TENM3: variants seen among roughly 807,000 people sequenced by gnomAD.
TENM3 encodes the protein teneurin transmembrane protein 3.
Under a neutral mutation model 255.1 loss-of-function variants are expected in TENM3, and 63 were observed. The observed-to-expected ratio is 0.25, with a 90% confidence interval of 0.20 to 0.30. The LOEUF (loss-of-function observed/expected upper bound fraction) is 0.30, where lower values mean the gene tolerates loss of function less well. Among genes scored for constraint, TENM3 ranks in the 10% least tolerant of loss-of-function variants. The pLI is 1.00. For synonymous variants in TENM3, 1,306 were observed against 1,322.3 expected, an observed-to-expected ratio of 0.99 and a Z score of 0.27; for missense variants, 2,929 against 3,461.1, an observed-to-expected ratio of 0.85 and a Z score of 3.86.
chr4:181,890,143 A>G, the TENM3 span, among the ~76,000 whole-genome samples: 1 of 152,228 alleles, frequency 6.6e-6, no homozygotes, highest in African/African-American at 2.4e-5. Flanking sequence ...GGCTGAGAGC[A>G]TATACAGGCA....
intron 3 of TENM3, 41 bp from the exon 4 acceptor site, chr4:182,600,883 A>G (rs749216666): frequency 9.8e-7 from 1 of 1,019,578 alleles, no homozygotes; most frequent in South Asian, 1.5e-5. Flanking sequence ...ATATATATAT[A>G]ATGAGTTCTC....
chr4:181,523,544 A>G, the TENM3 span, among the ~76,000 whole-genome samples: 1 of 152,316 alleles, frequency 6.6e-6, no homozygotes, highest in African/African-American at 2.4e-5. Flanking sequence ...AGGCTATCTC[A>G]GTGGCAAACA....
At chr4:181,559,512 G>C in the TENM3 span, among the ~76,000 whole-genome samples, 1 of 152,126 alleles carries the variant, frequency 6.6e-6, no homozygotes, top group Non-Finnish European at 1.5e-5. Flanking sequence ...ATGTATTAAA[G>C]CTCTTCCAGT....
At chr4:182,765,083 G>A (rs1231228774) in intron 22 of TENM3, among the ~76,000 whole-genome samples, 2 of 151,986 alleles carry the variant, frequency 1.3e-5, no homozygotes, top group African/African-American at 4.8e-5. Flanking sequence ...GATGAGTTCC[G>A]ATTCGTAAAT....
At chr4:181,957,500 A>G in the TENM3 span, among the ~76,000 whole-genome samples, 65 of 152,340 alleles carry the variant, frequency 4.3e-4, no homozygotes, top group African/African-American at 1.6e-3. Flanking sequence ...AATTTTTAAG[A>G]TAATGTTTAA....
At chr4:181,886,486 T>C in the TENM3 span, among the ~76,000 whole-genome samples, 32 of 152,340 alleles carry the variant, frequency 2.1e-4, no homozygotes, top group African/African-American at 7.0e-4. Context: ...ATGAAAATCA[T>C]TAATTAAATA....
At chr4:181,962,762 A>T in the TENM3 span, among the ~76,000 whole-genome samples, 1 of 152,194 alleles carries the variant, frequency 6.6e-6, no homozygotes, top group South Asian at 2.1e-4. Flanking sequence ...GAAGTAAGAG[A>T]CACTTCATTC....
At chr4:181,697,913 C>T in the TENM3 span, among the ~76,000 whole-genome samples, 2 of 151,956 alleles carry the variant, frequency 1.3e-5, no homozygotes, top group Admixed American at 6.6e-5. Context: ...AAACTAAAAG[C>T]GCTTAAGATA....
At chr4:182,783,631 GATA>G (rs56377615) in intron 24 of TENM3, among the ~76,000 whole-genome samples, 18,526 of 150,960 alleles carry the variant, frequency 0.12, 1,410 homozygotes, top group East Asian at 0.24. Flanking sequence ...AGTTCTCCTG[GATA>G]ATATCCTGCA....
chr4:181,996,102 T>C, the TENM3 span, among the ~76,000 whole-genome samples: 1 of 150,806 alleles, frequency 6.6e-6, no homozygotes, highest in Admixed American at 6.6e-5. Context: ...TTGACCGCTA[T>C]TGATCAAGCA....
At chr4:181,693,366 A>C in the TENM3 span, among the ~76,000 whole-genome samples, 19 of 152,278 alleles carry the variant, frequency 1.2e-4, no homozygotes, top group South Asian at 1.2e-3. Context: ...ATTTGCATCT[A>C]ATCAGATCCA....
chr4:182,487,268 C>T (rs552762868), intron 3 of TENM3, among the ~76,000 whole-genome samples: 66 of 152,170 alleles, frequency 4.3e-4, no homozygotes, highest in Middle Eastern at 3.4e-3. Context: ...ATGGAAAGCC[C>T]GGGATGAAGT....
At chr4:182,048,992 G>C in the TENM3 span, among the ~76,000 whole-genome samples, 2 of 152,092 alleles carry the variant, frequency 1.3e-5, no homozygotes, top group Non-Finnish European at 2.9e-5. Context: ...CCAACTAAGG[G>C]TACATTTTGT....
chr4:181,910,588 T>TGG, the TENM3 span, among the ~76,000 whole-genome samples: 4 of 62,106 alleles, frequency 6.4e-5, no homozygotes, highest in Admixed American at 6.9e-4. Context: ...ACATATGTAT[T>TGG]TGTATATATA....
chr4:182,281,766 C>T (rs545377581), intron 1 of TENM3, among the ~76,000 whole-genome samples: 18 of 152,290 alleles, frequency 1.2e-4, no homozygotes, highest in Admixed American at 9.2e-4. Flanking sequence ...CAGACGAAGT[C>T]TCACTGTTGC....
the TENM3 span, among the ~76,000 whole-genome samples, chr4:181,991,389 C>T: frequency 6.6e-6 from 1 of 152,088 alleles, no homozygotes; most frequent in African/African-American, 2.4e-5. Context: ...TCATGGTGGG[C>T]AGAGCAGTGG....
intron 5 of TENM3, among the ~76,000 whole-genome samples, chr4:182,630,539 G>C (rs1047304261): frequency 2.0e-5 from 3 of 152,106 alleles, no homozygotes; most frequent in Admixed American, 6.5e-5. Context: ...ACACACTGAG[G>C]CCTGTCATGG....
At chr4:182,640,841 G>A (rs895179325) in intron 5 of TENM3, among the ~76,000 whole-genome samples, 4 of 152,208 alleles carry the variant, frequency 2.6e-5, no homozygotes, top group African/African-American at 7.2e-5. Context: ...CTCTCCGAGT[G>A]ATCCCAGATG....
At chr4:182,302,094 G>GA (rs1023172630) in intron 1 of TENM3, among the ~76,000 whole-genome samples, 24 of 152,098 alleles carry the variant, frequency 1.6e-4, no homozygotes, top group African/African-American at 4.8e-4. Flanking sequence ...GCTTTTACTG[G>GA]AAAAAAATGA....
Sources: allele counts gnomAD v4.1 joint callset (sites outside exome capture counted in the v4.1 genomes callset), GRCh38; gene constraint gnomAD v4.1.1; transcripts MANE v1.5; gene names NCBI Gene and HGNC (gene_info 2026-07-23, HGNC 2026-07-21).